Variants in TMTC2 observed in about 807,000 individuals in gnomAD.
TMTC2 encodes the protein protein O-mannosyl-transferase TMTC2.
TMTC2 carries 43 observed loss-of-function variants against 82.4 expected under a neutral mutation model. That is an observed-to-expected ratio of 0.52 (90% CI 0.41 to 0.67). The LOEUF is 0.67. TMTC2 is among the 30% of genes least tolerant of loss of function. The pLI is 0.00. For synonymous variants in TMTC2, 408 were observed against 381.9 expected, an observed-to-expected ratio of 1.07 and a Z score of -0.80; for missense variants, 919 against 1,012.4, an observed-to-expected ratio of 0.91 and a Z score of 1.25.
chr12:83,038,735 A>G (rs1392193036), intron 9 of TMTC2, among the ~76,000 whole-genome samples: 3 of 152,210 alleles, frequency 2.0e-5, no homozygotes, highest in Non-Finnish European at 4.4e-5. Flanking sequence ...TAACTATGTC[A>G]TTAGAAAGCA....
intron 1 of TMTC2, among the ~76,000 whole-genome samples, chr12:82,786,412 C>T (rs943087811): frequency 2.6e-5 from 4 of 152,006 alleles, no homozygotes; most frequent in Admixed American, 2.6e-4. Flanking sequence ...TGGCTCTCAC[C>T]GTTCAGAAGT....
chr12:82,776,822 C>T (rs1412068791), intron 1 of TMTC2, among the ~76,000 whole-genome samples: 1 of 152,038 alleles, frequency 6.6e-6, no homozygotes, highest in African/African-American at 2.4e-5. Context: ...CCTGTAGTCC[C>T]AGCTACATGG....
chr12:83,099,951 C>A (rs1052681184), intron 11 of TMTC2, among the ~76,000 whole-genome samples: 1 of 151,360 alleles, frequency 6.6e-6, no homozygotes, highest in Non-Finnish European at 1.5e-5. Context: ...AGTCTCTCTC[C>A]GTCACCCAGG....
chr12:82,774,758 G>A (rs1435746756), intron 1 of TMTC2, among the ~76,000 whole-genome samples: 3 of 150,334 alleles, frequency 2.0e-5, no homozygotes, highest in African/African-American at 4.9e-5. Context: ...GGGCTATACC[G>A]AGGTGATGGG....
At chr12:82,845,965 C>G (rs1205754386) in intron 1 of TMTC2, among the ~76,000 whole-genome samples, 1 of 139,062 alleles carries the variant, frequency 7.2e-6, no homozygotes, top group African/African-American at 2.6e-5. Flanking sequence ...TTTGATATTT[C>G]CTGTAGAAAT....
In TMTC2 at chr12:82,843,804, C is replaced by T. The variant is rs1490459300; in HGVS notation, c.84-13206C>T. Among the ~76,000 whole-genome samples, 5 of 151,976 alleles carry T rather than the reference C, an allele frequency of 3.3e-5. No individual in the cohort carries two copies. The East Asian group carries it at 5.8e-4, about 18-fold the overall frequency. On this transcript the variant is annotated intron_variant, in intron 1 of 11. Coordinates refer to ENST00000321196, the MANE Select transcript of TMTC2 (RefSeq NM_152588.3). ...CTCTACTAAAAATACAAAAATTAGA[C>T]GGGTCTGGTGGCAGGCGCCTGCAGT...
intron 11 of TMTC2, among the ~76,000 whole-genome samples, chr12:83,093,134 CAT>C (rs766195066): frequency 1.6e-4 from 24 of 152,242 alleles, no homozygotes; most frequent in Non-Finnish European, 2.9e-4. Flanking sequence ...CACACATTCA[CAT>C]GTTTCCCTAT....
chr12:82,874,570 G>A (rs1872383000), intron 2 of TMTC2, among the ~76,000 whole-genome samples: 1 of 152,104 alleles, frequency 6.6e-6, no homozygotes, highest in Non-Finnish European at 1.5e-5. Flanking sequence ...ATTGCAAACT[G>A]TACTGGGCTA....
chr12:82,941,341 T>C (rs1876707984), intron 4 of TMTC2, among the ~76,000 whole-genome samples: 1 of 152,158 alleles, frequency 6.6e-6, no homozygotes, highest in African/African-American at 2.4e-5. Flanking sequence ...CCCCTAGCAC[T>C]GAGCACAATA....
chr12:83,020,485 T>A (rs1184102961), intron 8 of TMTC2, among the ~76,000 whole-genome samples: 1 of 152,250 alleles, frequency 6.6e-6, no homozygotes, highest in Non-Finnish European at 1.5e-5. Flanking sequence ...GATATACTTG[T>A]ATTTACCTGT....
At chr12:83,103,869 T>C (rs771067570) in intron 11 of TMTC2, among the ~76,000 whole-genome samples, 3 of 152,188 alleles carry the variant, frequency 2.0e-5, no homozygotes, top group Non-Finnish European at 4.4e-5. Context: ...AACAAGCTGG[T>C]TACTTCCAAG....
intron 4 of TMTC2, among the ~76,000 whole-genome samples, chr12:82,952,542 T>G (rs199944643): frequency 6.6e-6 from 1 of 151,894 alleles, no homozygotes; most frequent in Non-Finnish European, 1.5e-5. Flanking sequence ...CACACACATA[T>G]GTATATATGG....
chr12:82,847,910 C>T (rs375436716), intron 1 of TMTC2, among the ~76,000 whole-genome samples: 8 of 151,848 alleles, frequency 5.3e-5, no homozygotes, highest in South Asian at 4.2e-4. Flanking sequence ...CAAGCCTGCA[C>T]GTTGTGCACA....
chr12:83,112,387 A>G (rs1036424265), intron 11 of TMTC2, among the ~76,000 whole-genome samples: 3 of 152,140 alleles, frequency 2.0e-5, no homozygotes, highest in African/African-American at 7.2e-5. Context: ...CTCATTTTCC[A>G]AGAAATTACT....
chr12:82,746,825 A>G (rs1875715818), intron 1 of TMTC2, among the ~76,000 whole-genome samples: 1 of 152,228 alleles, frequency 6.6e-6, no homozygotes, highest in Admixed American at 6.5e-5. Context: ...GCCAGTTTGA[A>G]GACAGAGGAG....
chr12:82,758,501 G>A (rs1214652761), intron 1 of TMTC2: 1 of 152,076 alleles, frequency 6.6e-6, no homozygotes, highest in Non-Finnish European at 1.5e-5. Context: ...GAACAACTTG[G>A]CATTCACTTC....
chr12:82,697,631 G>T (rs1275937907), intron 1 of TMTC2, among the ~76,000 whole-genome samples: 1 of 152,164 alleles, frequency 6.6e-6, no homozygotes, highest in Non-Finnish European at 1.5e-5. Context: ...TTCAGATTTT[G>T]AAAAGATAGC....
intron 8 of TMTC2, among the ~76,000 whole-genome samples, chr12:82,999,162 A>G (rs1336735995): frequency 6.6e-6 from 1 of 152,114 alleles, no homozygotes; most frequent in Non-Finnish European, 1.5e-5. Flanking sequence ...ATGTCTCCTT[A>G]GGCTCCTCTT....
At chr12:82,705,688 C>T (rs1032574545) in intron 1 of TMTC2, among the ~76,000 whole-genome samples, 1 of 152,148 alleles carries the variant, frequency 6.6e-6, no homozygotes, top group Non-Finnish European at 1.5e-5. Context: ...TGTGCTATCT[C>T]CCGAGAAAGC....
Sources: allele counts gnomAD v4.1 joint callset (sites outside exome capture counted in the v4.1 genomes callset), GRCh38; gene constraint gnomAD v4.1.1; transcripts MANE v1.5; gene names NCBI Gene and HGNC (gene_info 2026-07-23, HGNC 2026-07-21).